The following MARCHF3 variants were observed in gnomAD, a reference collection of about 807,000 sequenced individuals.
The protein encoded by MARCHF3 is E3 ubiquitin-protein ligase MARCHF3.
A neutral mutation model predicts 24.2 loss-of-function variants in MARCHF3; 13 were observed. That is an observed-to-expected ratio of 0.54 (90% CI 0.35 to 0.85). The LOEUF is 0.85. Among genes scored for constraint, MARCHF3 ranks in the 40% least tolerant of loss-of-function variants. The pLI, the probability that MARCHF3 is intolerant of heterozygous loss-of-function variation, is 0.01. For synonymous variants in MARCHF3, 144 were observed against 137.3 expected (o/e 1.05, Z -0.34); for missense variants, 276 against 325.0 (o/e 0.85, Z 1.16).
At chr5:126,903,962 C>G (rs544302590) in intron 3 of MARCHF3, among the ~76,000 whole-genome samples, 3 of 119,934 alleles carry the variant, frequency 2.5e-5, no homozygotes, top group Admixed American at 8.8e-5. Context: ...ATCCCTCCCC[C>G]CTCCCCCCAC....
intron 1 of MARCHF3, among the ~76,000 whole-genome samples, chr5:127,029,715 C>T (rs1388288449): frequency 1.3e-5 from 2 of 152,258 alleles, no homozygotes; most frequent in Admixed American, 1.3e-4. Context: ...CCGCCTGGTC[C>T]TAACGAAGTC....
chr5:126,988,269 C>G (rs1381071761), intron 1 of MARCHF3, among the ~76,000 whole-genome samples: 2 of 152,142 alleles, frequency 1.3e-5, no homozygotes, highest in African/African-American at 4.8e-5. Flanking sequence ...AGGTTCCATG[C>G]AGATTTCCTA....
chr5:126,980,131 T>C (rs1751346304), intron 1 of MARCHF3, among the ~76,000 whole-genome samples: 1 of 152,124 alleles, frequency 6.6e-6, no homozygotes, highest in Admixed American at 6.5e-5. Flanking sequence ...ATCTTTCCTC[T>C]TCTGCGCACC....
intron 1 of MARCHF3, among the ~76,000 whole-genome samples, chr5:127,027,777 G>T (rs1231293318): frequency 6.6e-6 from 1 of 152,226 alleles, no homozygotes; most frequent in Non-Finnish European, 1.5e-5. Flanking sequence ...ACAATTATTT[G>T]TTAAATCAAC....
chr5:126,908,005 G>A (rs1367493064), intron 3 of MARCHF3, among the ~76,000 whole-genome samples: 3 of 151,938 alleles, frequency 2.0e-5, no homozygotes, highest in African/African-American at 7.3e-5. Flanking sequence ...AGCTCTTTTA[G>A]GGCAGGCCTG....
At chr5:126,881,282 T>C (rs978417273) in intron 3 of MARCHF3, among the ~76,000 whole-genome samples, 17 of 152,198 alleles carry the variant, frequency 1.1e-4, no homozygotes, top group African/African-American at 3.9e-4. Context: ...GGTACTATTA[T>C]GTTAAATTGT....
chr5:126,985,055 C>A (rs1023461094), intron 1 of MARCHF3, among the ~76,000 whole-genome samples: 4 of 152,070 alleles, frequency 2.6e-5, no homozygotes, highest in Non-Finnish European at 4.4e-5. Context: ...ACTCTCCCTA[C>A]TCTCCCCCAG....
chr5:127,018,707 A>G (rs2126862168), intron 1 of MARCHF3, among the ~76,000 whole-genome samples: 2 of 152,334 alleles, frequency 1.3e-5, no homozygotes, highest in East Asian at 3.9e-4. Flanking sequence ...GTAAGTAATG[A>G]GGTCACAAAG....
chr5:126,911,039 C>T (rs747058310), intron 3 of MARCHF3, among the ~76,000 whole-genome samples: 3 of 152,154 alleles, frequency 2.0e-5, no homozygotes, highest in African/African-American at 4.8e-5. Flanking sequence ...TGTAGCACTC[C>T]CAGGCTTATT....
chr5:127,009,588 A>G (rs1315701253), intron 1 of MARCHF3, among the ~76,000 whole-genome samples: 1 of 152,212 alleles, frequency 6.6e-6, no homozygotes, highest in East Asian at 1.9e-4. Flanking sequence ...GACAGAGTTA[A>G]CTGTGTGAAT....
intron 1 of MARCHF3, among the ~76,000 whole-genome samples, chr5:127,020,316 A>G (rs2126863229): frequency 6.6e-6 from 1 of 152,352 alleles, no homozygotes; most frequent in Middle Eastern, 3.4e-3. Flanking sequence ...ACAGCTTCAC[A>G]CTGTTTAGGG....
intron 1 of MARCHF3, among the ~76,000 whole-genome samples, chr5:126,988,071 C>G (rs1704991429): frequency 6.6e-6 from 1 of 152,126 alleles, no homozygotes; most frequent in Admixed American, 6.5e-5. Flanking sequence ...CTAGAAAGAA[C>G]TAGGAGGGCC....
chr5:126,910,869 C>G (rs1488618096), intron 3 of MARCHF3, among the ~76,000 whole-genome samples: 1 of 152,202 alleles, frequency 6.6e-6, no homozygotes, highest in East Asian at 1.9e-4. Context: ...TCTCTTCTTT[C>G]AAAAGCAAAT....
At chr5:126,960,704 C>T (rs1489525065) in intron 1 of MARCHF3, among the ~76,000 whole-genome samples, 1 of 152,038 alleles carries the variant, frequency 6.6e-6, no homozygotes, top group Non-Finnish European at 1.5e-5. Context: ...TATAGCCAGA[C>T]ACCAGACTCT....
chr5:126,986,195 G>A (rs1751560125), intron 1 of MARCHF3, among the ~76,000 whole-genome samples: 1 of 152,144 alleles, frequency 6.6e-6, no homozygotes, highest in Admixed American at 6.6e-5. Context: ...ATGACCTCAG[G>A]CAAATTATTA....
intron 1 of MARCHF3, among the ~76,000 whole-genome samples, chr5:126,964,843 A>C (rs1421229212): frequency 6.6e-6 from 1 of 152,170 alleles, no homozygotes; most frequent in African/African-American, 2.4e-5. Context: ...GGGAACAGGC[A>C]TCTGGGCAAG....
At chr5:126,917,496 TAAG>T (rs1359051880) in intron 2 of MARCHF3, among the ~76,000 whole-genome samples, 1 of 152,190 alleles carries the variant, frequency 6.6e-6, no homozygotes, top group African/African-American at 2.4e-5. Flanking sequence ...CTCCAAGTGA[TAAG>T]AAGACACCCA....
intron 1 of MARCHF3, among the ~76,000 whole-genome samples, chr5:127,028,869 G>A (rs1753084933): frequency 6.6e-6 from 1 of 152,198 alleles, no homozygotes; most frequent in Non-Finnish European, 1.5e-5. Context: ...TGAGAGGCAG[G>A]CTTTGTTTGT....
chr5:126,998,306 T>A (rs187571878), intron 1 of MARCHF3, among the ~76,000 whole-genome samples: 18 of 152,224 alleles, frequency 1.2e-4, no homozygotes, highest in African/African-American at 4.3e-4. Context: ...TGCTGACTTA[T>A]GGTGGACCAG....
Sources: allele counts gnomAD v4.1 joint callset (sites outside exome capture counted in the v4.1 genomes callset), GRCh38; gene constraint gnomAD v4.1.1; transcripts MANE v1.5; gene names NCBI Gene and HGNC (gene_info 2026-07-23, HGNC 2026-07-21).